PLCL2: variants seen among roughly 807,000 people sequenced by gnomAD.
PLCL2 encodes phospholipase C like 2, also known as inactive phospholipase C-like protein 2.
In PLCL2, 4 loss-of-function variants were observed where a neutral mutation model predicts 79.6. The observed-to-expected ratio is 0.05, with a 90% CI of 0.02 to 0.11. PLCL2 has a LOEUF of 0.11. PLCL2 is among the 10% of genes least tolerant of loss of function. PLCL2 has a pLI of 1.00. For synonymous variants in PLCL2, 484 were observed against 457.7 expected (o/e 1.06, Z -0.73); for missense variants, 895 against 1,291.0 (o/e 0.69, Z 4.70).
At chr3:16,921,721 A>AT (rs1324276360) in intron 1 of PLCL2, among the ~76,000 whole-genome samples, 1 of 152,096 alleles carries the variant, frequency 6.6e-6, no homozygotes, top group African/African-American at 2.4e-5. Context: ...CCAGTGCAGA[A>AT]TTTTTTTCTG....
intron 1 of PLCL2, among the ~76,000 whole-genome samples, chr3:16,984,131 C>T (rs1284510329): frequency 2.0e-5 from 3 of 151,482 alleles, no homozygotes; most frequent in Non-Finnish European, 4.4e-5. Flanking sequence ...TACTAATATG[C>T]AAAGCTTAAA....
intron 1 of PLCL2, among the ~76,000 whole-genome samples, chr3:16,954,940 G>A (rs568809688): frequency 5.5e-4 from 84 of 152,336 alleles, no homozygotes; most frequent in African/African-American, 1.7e-3. Flanking sequence ...TTTGTCAGAT[G>A]AGTAGGTTGT....
Position 17,082,309 on chromosome 3 carries a change from ATT to A in PLCL2, c.3205-7413_3205-7412del, listed in dbSNP as rs796353093. 8.3e-5 allele frequency among the ~76,000 whole-genome samples: 12 copies of A among 145,204 alleles called. No individual in the cohort carries two copies. The East Asian group carries it at 2.2e-3, about 26-fold the overall frequency. Reference sequence around the variant, plus strand: ...CAGGCACCCGCCACCATGCCAGCTAATTTTTTTTTTTTGTATTTTTAGTAGAG... The same window carrying A: ...CAGGCACCCGCCACCATGCCAGCTAATTTTTTTTTTGTATTTTTAGTAGAG... On this transcript the variant is annotated intron_variant, in intron 5 of 5. Transcript: ENST00000615277.
chr3:16,990,886 A>G (rs1267301817), intron 1 of PLCL2, among the ~76,000 whole-genome samples: 1 of 152,224 alleles, frequency 6.6e-6, no homozygotes, highest in Non-Finnish European at 1.5e-5. Context: ...CCAGGAGGCC[A>G]AATGAGATTG....
At chr3:17,084,266 A>G (rs1282698532) in intron 5 of PLCL2, among the ~76,000 whole-genome samples, 1 of 152,234 alleles carries the variant, frequency 6.6e-6, no homozygotes, top group Non-Finnish European at 1.5e-5. Flanking sequence ...ATAATTCTAT[A>G]TCTATTAAGG....
chr3:16,980,395 C>G (rs541619995), intron 1 of PLCL2, among the ~76,000 whole-genome samples: 1 of 147,908 alleles, frequency 6.8e-6, no homozygotes, highest in African/African-American at 2.5e-5. Flanking sequence ...GGCTGCCGGC[C>G]GGAGGGGCTC....
chr3:17,058,873 T>C (rs1368925891), intron 4 of PLCL2, among the ~76,000 whole-genome samples: 3 of 152,100 alleles, frequency 2.0e-5, no homozygotes, highest in Non-Finnish European at 4.4e-5. Context: ...GATGTTTGTA[T>C]TAAAGACCCC....
chr3:16,886,604 C>T lies in PLCL2; in HGVS notation c.327+1238C>T, dbSNP rs1422427623. ...TGTCATCTGTTTGCGCAGTTTATGT[C>T]TGGGCAAGGACACAATTTGAAGGGT... On this transcript the variant is annotated intron_variant, in intron 1 of 5. Coordinates refer to ENST00000615277, the MANE Select transcript of PLCL2 (RefSeq NM_001144382.2). This position sits in a 1 kb window ranked among gnomAD's most constrained non-coding sequence, Gnocchi z 4.2. Among the ~76,000 whole-genome samples, 1 of 152,178 alleles carries T rather than the reference C, an allele frequency of 6.6e-6. No individual in the cohort carries two copies. Among genetic ancestry groups the T allele is most frequent in the Non-Finnish European group, 1.5e-5 (1 of 68,034 alleles).
intron 1 of PLCL2, among the ~76,000 whole-genome samples, chr3:16,974,972 G>A (rs758827088): frequency 9.2e-5 from 14 of 152,132 alleles, no homozygotes; most frequent in African/African-American, 9.7e-5. Flanking sequence ...GTTTAGTTTC[G>A]GTTCTGGTAC....
intron 3 of PLCL2, among the ~76,000 whole-genome samples, chr3:17,021,157 T>C (rs60663228): frequency 0.029 from 4,337 of 152,070 alleles, 229 homozygotes; most frequent in African/African-American, 0.1. Context: ...AAGCTAAAAA[T>C]GAATGAAAGA....
chr3:16,902,877 TG>T (rs1696659729), intron 1 of PLCL2, among the ~76,000 whole-genome samples: 1 of 147,544 alleles, frequency 6.8e-6, no homozygotes, highest in African/African-American at 2.5e-5. Context: ...TGTGTGTGTG[TG>T]TGTGNGCGCA....
Position 17,012,121 on chromosome 3 carries a change from C to T in PLCL2, c.2775C>T (p.Pro925=), listed in dbSNP as rs61751588. The T allele has an allele frequency of 0.017, 27,558 of 1,613,838 alleles. 294 individuals are homozygous for T. The highest frequency in any genetic ancestry group is 0.02 in the Non-Finnish European group (23,111 of 1,179,746). The stretch of plus-strand genomic sequence containing the variant: ...ATGAGGTATTCAAGAATGCCCAGCC[C>T]CCTATACGGGATGCCACAGATCTGA... The part of the protein sequence containing the change: ...TVDEVFKNAQ[P]PIRDATDLRE... Residue 925 remains proline, a synonymous_variant, in exon 2 of 6, where the codon CCC becomes CCT. Transcript: ENST00000615277.
chr3:16,911,849 CA>C (rs1696888922), intron 1 of PLCL2, among the ~76,000 whole-genome samples: 1 of 152,176 alleles, frequency 6.6e-6, no homozygotes, highest in Non-Finnish European at 1.5e-5. Context: ...CATGATACCA[CA>C]AGTGGAAAAT....
chr3:17,012,251 A>G (rs2064334324), intron 2 of PLCL2, 91 bp downstream of exon 2: 10 of 1,138,378 alleles, frequency 8.8e-6, no homozygotes, highest in South Asian at 3.9e-5. Flanking sequence ...TAATAATAGT[A>G]TATTTAAGTA....
chr3:17,081,289 G>T lies in PLCL2; in HGVS notation c.3205-8444G>T, dbSNP rs946730616. 1.5e-5 allele frequency: 7 copies of T among 456,138 alleles called. No homozygotes were observed. In the East Asian group the frequency reaches 4.2e-4, roughly 27 times the overall value. 28.3% of individuals were successfully genotyped at this position (456,138 alleles called of 1,614,324 possible). On this transcript the variant is annotated intron_variant, in intron 5 of 5. Coordinates refer to ENST00000615277, the MANE Select transcript of PLCL2 (RefSeq NM_001144382.2). ...CCCTCACACTGCATGTGATTTGGAA[G>T]AAAAGTGTCTGCTGGCCCCCAGGGA...
At position 17,010,279 on chromosome 3, in the gene PLCL2, G is replaced by T; in HGVS notation, c.933G>T (p.Lys311Asn). Residue 311 changes from lysine (K) to asparagine (N), a missense_variant, in exon 2 of 6, where the codon AAG becomes AAT. By Grantham distance (94) the Lys-to-Asn change is moderately conservative (BLOSUM62 0). Transcript: ENST00000615277. The surrounding 1 kb of genome is among the most constrained non-coding windows in gnomAD (Gnocchi z 5.8). ...PGLKTSKIEL[K>N]FKELHKSKDK... ...TAAAAACGAGCAAAATTGAGCTTAA[G>T]TTCAAAGAATTGCATAAATCAAAGG... is the stretch of plus-strand genomic sequence containing the variant. 1 of 1,614,040 alleles carries T rather than the reference G, an allele frequency of 6.2e-7. No homozygotes were observed. The highest frequency in any genetic ancestry group is 8.5e-7 in the Non-Finnish European group (1 of 1,179,964).
intron 5 of PLCL2, among the ~76,000 whole-genome samples, chr3:17,086,330 G>C (rs573567148): frequency 6.3e-4 from 96 of 152,326 alleles, no homozygotes; most frequent in Non-Finnish European, 1.0e-3. Context: ...CAATACAGTG[G>C]AATAGAGACT....
intron 1 of PLCL2, among the ~76,000 whole-genome samples, chr3:16,971,972 T>G (rs2063873615): frequency 6.6e-6 from 1 of 152,042 alleles, no homozygotes; most frequent in South Asian, 2.1e-4. Context: ...TTTGACAAAA[T>G]TCAACAGCCC....
chr3:16,961,586 G>C (rs544469512), intron 1 of PLCL2, among the ~76,000 whole-genome samples: 1 of 152,320 alleles, frequency 6.6e-6, no homozygotes, highest in South Asian at 2.1e-4. Context: ...AAGACTGTGT[G>C]AAGGGAATGG....
Sources: gnomAD v4.1 joint callset for allele counts (sites outside exome capture counted in the v4.1 genomes callset) on GRCh38, gnomAD v4.1.1 for gene constraint, Gnocchi (gnomAD v3.1) non-coding constraint, MANE v1.5 for transcripts, NCBI Gene and HGNC (gene_info 2026-07-23, HGNC 2026-07-21) for gene names.